The following CFAP210 variants were observed in gnomAD, a reference collection of about 807,000 sequenced individuals.
CFAP210 encodes cilia- and flagella- associated protein 210.
At chr2:169,649,302 A>T in the CFAP210 span, 5 of 1,613,188 alleles carry the variant, frequency 3.1e-6, no homozygotes, top group Non-Finnish European at 3.4e-6. Flanking sequence ...ATTGTTCTTT[A>T]GCCTCTATTT....
the CFAP210 span, among the ~76,000 whole-genome samples, chr2:169,652,785 G>T: frequency 6.6e-6 from 1 of 150,496 alleles, no homozygotes; most frequent in African/African-American, 2.4e-5. Flanking sequence ...CACGAGGTCA[G>T]GAGATCGAGA....
the CFAP210 span, among the ~76,000 whole-genome samples, chr2:169,687,904 T>C: frequency 1.0e-3 from 153 of 152,356 alleles, no homozygotes; most frequent in Non-Finnish European, 1.9e-3. Flanking sequence ...GGCATTTCCA[T>C]ACATCTTCTG....
the CFAP210 span, among the ~76,000 whole-genome samples, chr2:169,659,976 T>C: frequency 6.6e-6 from 1 of 152,218 alleles, no homozygotes; most frequent in South Asian, 2.1e-4. Context: ...CTTTTGAATT[T>C]CTGCAGCATC....
chr2:169,662,165 A>C, the CFAP210 span: 1 of 1,050,690 alleles, frequency 9.5e-7, no homozygotes, highest in Non-Finnish European at 1.4e-6. Context: ...TAATGTATGC[A>C]TGGGTCAAAA....
the CFAP210 span, chr2:169,675,092 C>A: frequency 7.7e-7 from 1 of 1,297,140 alleles, no homozygotes; most frequent in Non-Finnish European, 1.0e-6. Context: ...TTTAATTTTA[C>A]TACAGTTTAA....
chr2:169,678,406 A>G, the CFAP210 span, among the ~76,000 whole-genome samples: 1 of 151,858 alleles, frequency 6.6e-6, no homozygotes, highest in African/African-American at 2.4e-5. Flanking sequence ...TAGAGAGAAT[A>G]TGTTCATGGT....
At chr2:169,667,310 T>C in the CFAP210 span, among the ~76,000 whole-genome samples, 1 of 152,002 alleles carries the variant, frequency 6.6e-6, no homozygotes, top group East Asian at 1.9e-4. Context: ...GGCTAATTTT[T>C]GTATTTTTAG....
the CFAP210 span, chr2:169,659,223 G>A: frequency 6.6e-6 from 1 of 152,254 alleles, no homozygotes; most frequent in East Asian, 1.9e-4. Flanking sequence ...AAGTTTGGAA[G>A]TTTTGGCAAA....
At chr2:169,649,453 G>T in the CFAP210 span, 1 of 1,000,238 alleles carries the variant, frequency 1.0e-6, no homozygotes, top group Non-Finnish European at 1.5e-6. Flanking sequence ...TCAGCCAGGA[G>T]CAATGCAGGA....
chr2:169,673,069 A>G, the CFAP210 span, among the ~76,000 whole-genome samples: 1 of 152,206 alleles, frequency 6.6e-6, no homozygotes, highest in Non-Finnish European at 1.5e-5. Context: ...AAAGCCCACC[A>G]TGAGAAGTAA....
At chr2:169,660,905 A>G in the CFAP210 span, 1 of 397,170 alleles carries the variant, frequency 2.5e-6, no homozygotes, top group Non-Finnish European at 4.9e-6. Context: ...GCCTGGCCTG[A>G]TGGTACATTA....
chr2:169,687,044 T>C, the CFAP210 span, among the ~76,000 whole-genome samples: 1 of 152,184 alleles, frequency 6.6e-6, no homozygotes, highest in East Asian at 1.9e-4. Flanking sequence ...CGGAAGTCCC[T>C]GATAATCCCA....
the CFAP210 span, among the ~76,000 whole-genome samples, chr2:169,652,869 G>A: frequency 7.4e-5 from 11 of 147,906 alleles, no homozygotes; most frequent in South Asian, 2.1e-3. Flanking sequence ...GCCTGGTGGC[G>A]GGCTCCTGTA....
At chr2:169,667,934 C>T in the CFAP210 span, among the ~76,000 whole-genome samples, 1 of 152,278 alleles carries the variant, frequency 6.6e-6, no homozygotes, top group South Asian at 2.1e-4. Flanking sequence ...TCACCAGCTA[C>T]ATTAGCTGCT....
At chr2:169,687,810 C>T in the CFAP210 span, among the ~76,000 whole-genome samples, 3 of 152,236 alleles carry the variant, frequency 2.0e-5, no homozygotes, top group Non-Finnish European at 2.9e-5. Flanking sequence ...GGAGCTCCGG[C>T]CCCACAATTC....
the CFAP210 span, among the ~76,000 whole-genome samples, chr2:169,651,198 G>C: frequency 6.9e-6 from 1 of 145,236 alleles, no homozygotes; most frequent in East Asian, 2.1e-4. Flanking sequence ...CTGCACTCCA[G>C]CCTGGGCGAC....
chr2:169,669,324 C>G, the CFAP210 span, among the ~76,000 whole-genome samples: 1 of 152,080 alleles, frequency 6.6e-6, no homozygotes, highest in Non-Finnish European at 1.5e-5. Flanking sequence ...AGTAGGCAGG[C>G]CAGATCATAC....
chr2:169,655,783 T>G, the CFAP210 span, among the ~76,000 whole-genome samples: 1 of 152,082 alleles, frequency 6.6e-6, no homozygotes, highest in Admixed American at 6.5e-5. Context: ...CAGATTTTAA[T>G]GAAAACAATA....
chr2:169,674,234 A>C, the CFAP210 span, among the ~76,000 whole-genome samples: 61,984 of 151,958 alleles, frequency 0.41, 12,926 homozygotes, highest in Non-Finnish European at 0.44. Flanking sequence ...GGATCAGAAT[A>C]CTCTCCACAA....
Sources: gnomAD v4.1 joint callset for allele counts (sites outside exome capture counted in the v4.1 genomes callset) on GRCh38, gnomAD v4.1.1 for gene constraint, MANE v1.5 for transcripts, NCBI Gene and HGNC (gene_info 2026-07-23, HGNC 2026-07-21) for gene names.